The following FXYD4 variants were observed in gnomAD, a reference collection of about 807,000 sequenced individuals.
The protein encoded by FXYD4 is FXYD domain containing ion transport regulator 4.
A neutral mutation model predicts 18.3 loss-of-function variants in FXYD4; 14 were observed. The ratio of observed to expected loss-of-function variants is 0.77; its 90% CI spans 0.51 to 1.20. The LOEUF is 1.20. FXYD4 is among the 50% of genes most tolerant of loss of function. The pLI is 0.00. For missense variants in FXYD4, 99 were observed against 106.1 expected (o/e 0.93, Z 0.29); for synonymous variants, 40 against 40.5 (o/e 0.99, Z 0.04).
In FXYD4 at chr10:43,373,683, C is replaced by A; in HGVS notation, c.-64C>A. ...ATTGAGCTGTGAGCCTGGAGCAGAT[C>A]CGTGGGCTGCAGACCCCCGCCCCAG... On this transcript the variant is annotated 5_prime_UTR_variant, in exon 3 of 9. Coordinates refer to ENST00000476166, the MANE Select transcript of FXYD4 (RefSeq NM_173160.3). 1 of 929,912 alleles carries A rather than the reference C, an allele frequency of 1.1e-6. No individual in the cohort carries two copies. Among genetic ancestry groups the A allele is most frequent in the South Asian group, 1.3e-5 (1 of 77,570 alleles). The allele number at this position is 929,912 out of a possible 1,614,324, so 57.6% of individuals were successfully genotyped here.
chr10:43,376,153 C>T lies in FXYD4; in HGVS notation c.257C>T (p.Ala86Val). ...KAIPLITPGS[A>V]TTC The stretch of plus-strand genomic sequence containing the variant: ...TGCCCGCCACTCTCCGCAGGCTCTG[C>T]CACTACTTGCTGAGCACAGGACTGG... The change falls in exon 9 of 9, where the codon GCC (alanine) becomes GTC (valine). Residue 86 changes from alanine (A) to valine (V), a missense_variant. By Grantham distance (64) the Ala-to-Val change is moderately conservative. Coordinates refer to ENST00000476166, the MANE Select transcript of FXYD4 (RefSeq NM_173160.3). 1.2e-6 allele frequency: 2 copies of T among 1,613,858 alleles called. No individual in the cohort carries two copies. The highest frequency in any genetic ancestry group is 2.2e-5 in the South Asian group (2 of 91,074).
chr10:43,373,960 A>G (rs1239625632), intron 3 of FXYD4, among the ~76,000 whole-genome samples, 177 bp downstream of exon 3: 2 of 152,262 alleles, frequency 1.3e-5, no homozygotes, highest in African/African-American at 4.8e-5. Context: ...GAATATTGCA[A>G]AAAGGTCCTA....
Position 43,376,275 on chromosome 10 carries a change from G to A in FXYD4, c.*109G>A. 8.4e-7 allele frequency: 1 copy of A among 1,185,222 alleles called. No individual in the cohort carries two copies. The highest frequency in any genetic ancestry group is 1.8e-5 in the Admixed American group (1 of 55,290). The allele number at this position is 1,185,222 out of a possible 1,614,324, so 73.4% of individuals were successfully genotyped here. A position where few individuals can be genotyped will look rare whatever the true frequency, so the allele number is the denominator to read the frequency against. Reference sequence around the variant, plus strand: ...AAGGACTTCTCTCCAAGGGCAGGCTGTTAGGCCCCTTTCTGATCAGGAGGC... The same window carrying A: ...AAGGACTTCTCTCCAAGGGCAGGCTATTAGGCCCCTTTCTGATCAGGAGGC... On this transcript the variant is annotated 3_prime_UTR_variant, in exon 9 of 9. Transcript: ENST00000476166.
At position 43,376,017 on chromosome 10, in the gene FXYD4, T is replaced by C. The variant is rs370911108; in HGVS notation, c.213-15T>C. The C allele has an allele frequency of 8.1e-6, 13 of 1,613,780 alleles. No homozygotes were observed. The African/African-American group carries it at 1.3e-4, about 17-fold the overall frequency. ...AGGCTAACCTGATACTACTCTGATG[T>C]GGTCCTTTCTCTAGTCCTGTACCTG... On this transcript the variant is annotated splice_polypyrimidine_tract_variant and intron_variant, in intron 7 of 8. Transcript: ENST00000476166.
intron 5 of FXYD4, among the ~76,000 whole-genome samples, chr10:43,374,905 T>A (rs1010905178): frequency 6.6e-6 from 1 of 151,826 alleles, no homozygotes; most frequent in African/African-American, 2.4e-5. Context: ...TCACCCTCCC[T>A]TTCCCTAGTC....
Position 43,373,529 on chromosome 10 carries a change from T to C in FXYD4, c.-218T>C, listed in dbSNP as rs1038708948. 5 of 589,204 alleles carry C rather than the reference T, an allele frequency of 8.5e-6. No homozygotes were observed. The Admixed American group carries it at 8.7e-5, about 10-fold the overall frequency. 36.5% of individuals were successfully genotyped at this position (589,204 alleles called of 1,614,324 possible). A position where few individuals can be genotyped will look rare whatever the true frequency, so the allele number is the denominator to read the frequency against. ...AACTCCCCCAGGCCACCACCATCTC[T>C]AGATGGGAAGACAGAAAGTAGTTAC... On this transcript the variant is annotated 5_prime_UTR_variant, in exon 3 of 9. Coordinates refer to ENST00000476166, the MANE Select transcript of FXYD4 (RefSeq NM_173160.3).
At chr10:43,375,903 T>C in intron 7 of FXYD4, 129 bp from the exon 8 acceptor site, 2 of 1,216,526 alleles carry the variant, frequency 1.6e-6, no homozygotes, top group Non-Finnish European at 2.4e-6. Context: ...GACCTCGGTA[T>C]TGTGGGAAGT....
chr10:43,374,383 A>G, intron 3 of FXYD4, 87 bp from the exon 4 acceptor site: 1 of 1,330,198 alleles, frequency 7.5e-7, no homozygotes, highest in South Asian at 1.2e-5. Context: ...GTCACCCCAC[A>G]ACCTCCGGGC....
Position 43,376,237 on chromosome 10 carries a change from C to G in FXYD4, c.*71C>G. 6.5e-7 allele frequency: 1 copy of G among 1,528,996 alleles called. No homozygotes were observed. The highest frequency in any genetic ancestry group is 9.0e-7 in the Non-Finnish European group (1 of 1,105,200). 94.7% of individuals were successfully genotyped at this position (1,528,996 alleles called of 1,614,324 possible). A position where few individuals can be genotyped will look rare whatever the true frequency, so the allele number is the denominator to read the frequency against. ...CCCAGCACCTCCTCCCCTGGGAGGCCTTATCCTCAAGGAAGGACTTCTCTC... is the reference window on the plus strand; with the variant it reads ...CCCAGCACCTCCTCCCCTGGGAGGCGTTATCCTCAAGGAAGGACTTCTCTC... On this transcript the variant is annotated 3_prime_UTR_variant, in exon 9 of 9. Coordinates refer to ENST00000476166, the MANE Select transcript of FXYD4 (RefSeq NM_173160.3).
intron 2 of FXYD4, 127 bp from the exon 3 acceptor site, chr10:43,373,388 T>G (rs1429611972): frequency 3.5e-6 from 1 of 282,302 alleles, no homozygotes; most frequent in Non-Finnish European, 6.7e-6. Flanking sequence ...AGTATCTTCC[T>G]CATGGGGAGG....
chr10:43,374,217 C>T (rs910434863), intron 3 of FXYD4, among the ~76,000 whole-genome samples: 1 of 152,154 alleles, frequency 6.6e-6, no homozygotes, highest in Non-Finnish European at 1.5e-5. Flanking sequence ...ACAAGCATTC[C>T]CTGTTTCTTC....
At chr10:43,374,251 A>G (rs1837841270) in intron 3 of FXYD4, among the ~76,000 whole-genome samples, 1 of 152,052 alleles carries the variant, frequency 6.6e-6, no homozygotes, top group Non-Finnish European at 1.5e-5. Context: ...ATAACAAACC[A>G]TCCCAGTCAG....
At chr10:43,374,028 A>G (rs1168581413) in intron 3 of FXYD4, among the ~76,000 whole-genome samples, 1 of 152,220 alleles carries the variant, frequency 6.6e-6, no homozygotes, top group Non-Finnish European at 1.5e-5. Flanking sequence ...TTGAAGACAA[A>G]AGCAGGGTGG....
At chr10:43,371,920 T>C (rs1588980388) in intron 1 of FXYD4, among the ~76,000 whole-genome samples, 2 of 151,606 alleles carry the variant, frequency 1.3e-5, no homozygotes, top group Admixed American at 6.6e-5. Context: ...GGGGTATACC[T>C]CTGGTCCCAA....
rs1179248009 is a variant in FXYD4, at chr10:43,373,793, C to T, written c.37+10C>T. On this transcript the variant is annotated intron_variant, in intron 3 of 8. Transcript: ENST00000476166. ...CTTCTCCTACTGGCAGGTGAGTCCT[C>T]CCAGTCTCCTGGGACCCTCTTGCAT... The T allele has an allele frequency of 2.1e-5, 33 of 1,591,288 alleles. No individual in the cohort carries two copies. The highest frequency in any genetic ancestry group is 2.8e-5 in the Non-Finnish European group (32 of 1,159,428).
rs377381476 is a variant in FXYD4 at position 43,373,741 on chromosome 10, T to C, written c.-6T>C. Reference sequence around the variant, plus strand: ...CCCCCTGCAGCCCTGCCCCTCGAACTGTGACATGGAGAGAGTGACCCTGGC... The same window carrying C: ...CCCCCTGCAGCCCTGCCCCTCGAACCGTGACATGGAGAGAGTGACCCTGGC... On this transcript the variant is annotated 5_prime_UTR_variant, in exon 3 of 9. Coordinates refer to ENST00000476166, the MANE Select transcript of FXYD4 (RefSeq NM_173160.3). 57 of 1,596,184 alleles carry C rather than the reference T, an allele frequency of 3.6e-5. No homozygotes were observed. The African/African-American group carries it at 5.9e-4, about 17-fold the overall frequency.
intron 3 of FXYD4, among the ~76,000 whole-genome samples, chr10:43,374,065 G>A (rs749409617): frequency 2.0e-5 from 3 of 152,248 alleles, no homozygotes; most frequent in Non-Finnish European, 4.4e-5. Context: ...TGTAATCCCA[G>A]TGTTTTGGGA....
chr10:43,373,901 T>G (rs1357667323), intron 3 of FXYD4, 118 bp downstream of exon 3: 4 of 782,434 alleles, frequency 5.1e-6, no homozygotes, highest in Non-Finnish European at 9.4e-6. Context: ...TTATTTAAAC[T>G]GCCAATTTAG....
At chr10:43,372,581 G>A (rs60739384) in intron 1 of FXYD4, 146 bp from the exon 2 acceptor site, 28,245 of 152,192 alleles carry the variant, frequency 0.19, 3,374 homozygotes, top group African/African-American at 0.33. Flanking sequence ...CACTGCGCCC[G>A]GCCTATGGAT....
Sources: gnomAD v4.1 joint callset for allele counts (sites outside exome capture counted in the v4.1 genomes callset) on GRCh38, gnomAD v4.1.1 for gene constraint, MANE v1.5 for transcripts, NCBI Gene and HGNC (gene_info 2026-07-23, HGNC 2026-07-21) for gene names.